The following RAB3B variants were observed in gnomAD, a reference collection of about 807,000 sequenced individuals.
RAB3B encodes RAB3B, member RAS oncogene family, also known as ras-related protein Rab-3B.
RAB3B carries 11 observed loss-of-function variants against 20.5 expected under a neutral mutation model. That is an observed-to-expected ratio of 0.54 (90% CI 0.34 to 0.89). The LOEUF is 0.89. Among genes scored for constraint, RAB3B ranks in the 40% least tolerant of loss-of-function variants. The pLI, the probability that RAB3B is intolerant of heterozygous loss-of-function variation, is 0.02. For synonymous variants in RAB3B, 99 were observed against 106.3 expected (o/e 0.93, Z 0.42); for missense variants, 225 against 280.9 (o/e 0.80, Z 1.42).
chr1:51,919,835 G>T lies in RAB3B; in HGVS notation c.*92C>A. 7.7e-7 allele frequency: 1 copy of T among 1,297,754 alleles called. No individual in the cohort carries two copies. Among genetic ancestry groups the T allele is most frequent in the Non-Finnish European group, 1.1e-6 (1 of 943,362 alleles). The allele number at this position is 1,297,754 out of a possible 1,614,324, so 80.4% of individuals were successfully genotyped here. On this transcript the variant is annotated 3_prime_UTR_variant, in exon 5 of 5. Transcript: ENST00000371655. ...TCTGAGTGTGGGCAGTGTGTAACAG[G>T]GAGAGTGGGCTGAGAGCGGACAGTG...
intron 2 of RAB3B, among the ~76,000 whole-genome samples, chr1:51,967,904 C>T (rs1684878997): frequency 6.6e-6 from 1 of 151,990 alleles, no homozygotes; most frequent in African/African-American, 2.4e-5. Flanking sequence ...GAATATGTTA[C>T]CTTACATGGC....
intron 2 of RAB3B, among the ~76,000 whole-genome samples, chr1:51,966,211 G>GA (rs752859327): frequency 1.6e-4 from 25 of 152,090 alleles, no homozygotes; most frequent in Admixed American, 7.2e-4. Flanking sequence ...ACATTAACCT[G>GA]AAAAAAATCA....
In RAB3B at chr1:51,917,095, G is replaced by GAGGTACA. The variant is rs1427553869; in HGVS notation, c.*2831_*2832insTGTACCT. 6.6e-6 allele frequency: 1 copy of GAGGTACA among 152,198 alleles called. No individual in the cohort carries two copies. The highest frequency in any genetic ancestry group is 1.5e-5 in the Non-Finnish European group (1 of 68,038). The allele number at this position is 152,198 out of a possible 1,614,324, so 9.4% of individuals were successfully genotyped here. A position where few individuals can be genotyped will look rare whatever the true frequency, so the allele number is the denominator to read the frequency against. On this transcript the variant is annotated 3_prime_UTR_variant, in exon 5 of 5. Coordinates refer to ENST00000371655, the MANE Select transcript of RAB3B (RefSeq NM_002867.4). ...TTATGTGACTTTAGAGGTCCAGCTA[G>GAGGTACA]AACCTCTTTGTACCTTTGTTTCCTC...
intron 4 of RAB3B, among the ~76,000 whole-genome samples, chr1:51,931,209 A>T (rs1684318676): frequency 6.6e-6 from 1 of 152,142 alleles, no homozygotes; most frequent in Non-Finnish European, 1.5e-5. Context: ...CCCACAAGGC[A>T]GCTCCTTGCC....
At chr1:51,951,604 G>A (rs753706754) in intron 2 of RAB3B, among the ~76,000 whole-genome samples, 5 of 152,116 alleles carry the variant, frequency 3.3e-5, no homozygotes, top group East Asian at 1.9e-4. Flanking sequence ...TTGAGCCCTG[G>A]AGTTGGAGAC....
At chr1:51,977,991 A>G (rs575346032) in intron 1 of RAB3B, among the ~76,000 whole-genome samples, 1 of 152,292 alleles carries the variant, frequency 6.6e-6, no homozygotes, top group African/African-American at 2.4e-5. Context: ...TTTATGCCAA[A>G]TAAGCCACAT....
chr1:51,985,299 T>C (rs1205514267), intron 1 of RAB3B, among the ~76,000 whole-genome samples: 1 of 152,212 alleles, frequency 6.6e-6, no homozygotes, highest in Non-Finnish European at 1.5e-5. Context: ...TGCTCTCTCT[T>C]CTGGATTCAA....
At chr1:51,955,643 G>T (rs924350323) in intron 2 of RAB3B, among the ~76,000 whole-genome samples, 1 of 152,066 alleles carries the variant, frequency 6.6e-6, no homozygotes, top group Non-Finnish European at 1.5e-5. Context: ...CAAGTGATCC[G>T]CCAGCCTCAG....
At chr1:51,970,575 TA>T (rs1257560707) in intron 2 of RAB3B, among the ~76,000 whole-genome samples, 1 of 152,100 alleles carries the variant, frequency 6.6e-6, no homozygotes, top group African/African-American at 2.4e-5. Flanking sequence ...GCAATGCTCA[TA>T]ACCTCCTCTT....
At chr1:51,925,485 G>T (rs1023953292) in intron 4 of RAB3B, among the ~76,000 whole-genome samples, 2 of 152,180 alleles carry the variant, frequency 1.3e-5, no homozygotes, top group African/African-American at 4.8e-5. Flanking sequence ...TCAATATCCA[G>T]CCTCACTGGC....
chr1:51,956,602 G>C (rs1273561442), intron 2 of RAB3B, among the ~76,000 whole-genome samples: 3 of 152,164 alleles, frequency 2.0e-5, no homozygotes, highest in Non-Finnish European at 4.4e-5. Flanking sequence ...CAAACATTGT[G>C]TTCCTCTAAG....
At chr1:51,952,631 G>T (rs1464526400) in intron 2 of RAB3B, among the ~76,000 whole-genome samples, 30 of 151,732 alleles carry the variant, frequency 2.0e-4, no homozygotes, top group Admixed American at 1.9e-3. Flanking sequence ...CACCTGGAAG[G>T]TACTCCATAA....
intron 4 of RAB3B, 106 bp from the exon 5 acceptor site, chr1:51,920,220 A>G: frequency 1.0e-6 from 1 of 997,296 alleles, no homozygotes; most frequent in East Asian, 2.6e-5. Context: ...AGTGCTCAGC[A>G]GTGAAGCAAA....
Position 51,914,439 on chromosome 1 carries a change from T to C in RAB3B, c.*5488A>G, listed in dbSNP as rs986389943. 1 of 152,272 alleles carries C rather than the reference T, an allele frequency of 6.6e-6. No individual in the cohort carries two copies. The highest frequency in any genetic ancestry group is 1.9e-4 in the East Asian group (1 of 5,196). The allele number at this position is 152,272 out of a possible 1,614,324, so 9.4% of individuals were successfully genotyped here. A position where few individuals can be genotyped will look rare whatever the true frequency, so the allele number is the denominator to read the frequency against. On this transcript the variant is annotated 3_prime_UTR_variant, in exon 5 of 5. Transcript: ENST00000371655. ...TTTCCTTTAGAGTACTTTGTAATTA[T>C]ATTTGGGTGATGATTTGACAATGTC...
At chr1:51,963,134 C>T (rs1270456649) in intron 2 of RAB3B, among the ~76,000 whole-genome samples, 2 of 152,190 alleles carry the variant, frequency 1.3e-5, no homozygotes, top group African/African-American at 2.4e-5. Context: ...ATATTGATCT[C>T]TGACCCCACC....
intron 2 of RAB3B, among the ~76,000 whole-genome samples, chr1:51,970,957 G>GCTGAGAT (rs1684921980): frequency 6.8e-6 from 1 of 146,518 alleles, no homozygotes. Context: ...CTTCCAGTCA[G>GCTGAGAT]CTGAGATCGT....
intron 2 of RAB3B, among the ~76,000 whole-genome samples, chr1:51,967,522 T>TTTTTTTTTTTTTCTTTC (rs1684872299): frequency 2.3e-5 from 1 of 43,232 alleles, no homozygotes; most frequent in Non-Finnish European, 5.0e-5. Context: ...TTTCTTTTTC[T>TTTTTTTTTTTTTCTTTC]TTTTTTTTTT....
At chr1:51,935,522 A>T (rs1053652870) in intron 3 of RAB3B, among the ~76,000 whole-genome samples, 33 of 152,114 alleles carry the variant, frequency 2.2e-4, no homozygotes, top group African/African-American at 7.5e-4. Context: ...TCTTTCTTTC[A>T]TCTTCCTCCC....
chr1:51,970,171 G>A (rs1684909678), intron 2 of RAB3B, among the ~76,000 whole-genome samples: 1 of 152,074 alleles, frequency 6.6e-6, no homozygotes, highest in Non-Finnish European at 1.5e-5. Flanking sequence ...CAATCCTCTG[G>A]ATTGTTCTCT....
Sources: allele counts gnomAD v4.1 joint callset (sites outside exome capture counted in the v4.1 genomes callset), GRCh38; gene constraint gnomAD v4.1.1; transcripts MANE v1.5; gene names NCBI Gene and HGNC (gene_info 2026-07-23, HGNC 2026-07-21).